The following ASTE1 variants were observed in gnomAD, a reference collection of about 807,000 sequenced individuals.
ASTE1 encodes the protein single-strand DNA endonuclease ASTE1.
Under a neutral mutation model 45.8 loss-of-function variants are expected in ASTE1, and 49 were observed. The ratio of observed to expected loss-of-function variants is 1.07; its 90% confidence interval spans 0.85 to 1.36. The LOEUF is 1.36. Ranked by LOEUF, ASTE1 falls within the 40% of genes most tolerant of loss-of-function variation. The pLI, the probability that ASTE1 is intolerant of heterozygous loss-of-function variation, is 0.00. For synonymous variants in ASTE1, 296 were observed against 303.9 expected (o/e 0.97, Z 0.27); for missense variants, 709 against 804.0 (o/e 0.88, Z 1.43).
Position 131,024,404 on chromosome 3 carries a change from C to T in ASTE1, c.903G>A (p.Gln301=), listed in dbSNP as rs923213274. 1 of 1,614,108 alleles carries T rather than the reference C, an allele frequency of 6.2e-7. No homozygotes were observed. Among genetic ancestry groups the T allele is most frequent in the African/African-American group, 1.3e-5 (1 of 74,934 alleles). ...LLCCSMEEYQ[Q]SQVKLQDFFQ... ...AGAAGTCCTGTAGCTTCACCTGGGA[C>T]TGTTGGTATTCTTCCATGGAACAGC... Residue 301 remains glutamine, a synonymous_variant, in exon 3 of 6, where the codon CAG becomes CAA. Transcript: ENST00000264992.
intron 5 of ASTE1, 143 bp from the exon 6 acceptor site, chr3:131,014,530 A>AG: frequency 8.2e-6 from 7 of 851,530 alleles, no homozygotes; most frequent in South Asian, 2.1e-5. Flanking sequence ...ACTTAAGAAT[A>AG]ATCTGTTCTT....
rs1375639541 is a variant in ASTE1 at position 131,024,008 on chromosome 3, A to G, written c.1299T>C (p.Thr433=). The change falls in exon 3 of 6, where the codon ACT becomes ACC. Residue 433 remains threonine, a synonymous_variant. Coordinates refer to ENST00000264992, the MANE Select transcript of ASTE1 (RefSeq NM_014065.4). ...AKDHSDLSRL[T]ELSLRRRQML... ...CATTAGTATTACAAATACTTACCTC[A>G]GTCAATCTGCTTAAGTCAGAATGAT... 1 of 1,585,432 alleles carries G rather than the reference A, an allele frequency of 6.3e-7. No homozygotes were observed. The highest frequency in any genetic ancestry group is 2.2e-5 in the East Asian group (1 of 44,458).
chr3:131,014,443 T>G (rs2063492055), intron 5 of ASTE1, 56 bp from the exon 6 acceptor site: 1 of 1,486,696 alleles, frequency 6.7e-7, no homozygotes, highest in African/African-American at 1.4e-5. Context: ...TGCAACAGGA[T>G]AACTACCATT....
Position 131,017,137 on chromosome 3 carries a change from A to G in ASTE1, c.1514-798T>C, listed in dbSNP as rs1480590759. 5 of 862,428 alleles carry G rather than the reference A, an allele frequency of 5.8e-6. No homozygotes were observed. The African/African-American group carries it at 7.2e-5, about 12-fold the overall frequency. The allele number at this position is 862,428 out of a possible 1,614,324, so 53.4% of individuals were successfully genotyped here. On this transcript the variant is annotated intron_variant, in intron 4 of 5. Transcript: ENST00000264992. ...AGGCTTGTGCTCTGAGAGCTTTCTT[A>G]TACTGTATTTATTATTCAATCAGAG...
At chr3:131,017,511 T>C (rs2109084336) in intron 4 of ASTE1, among the ~76,000 whole-genome samples, 1 of 152,308 alleles carries the variant, frequency 6.6e-6, no homozygotes, top group Non-Finnish European at 1.5e-5. Context: ...GTAGCCACCA[T>C]ATTAGATAGT....
chr3:131,025,832 G>A (rs1401334791), intron 1 of ASTE1, among the ~76,000 whole-genome samples: 3 of 152,192 alleles, frequency 2.0e-5, no homozygotes, highest in African/African-American at 4.8e-5. Context: ...TTTTTCTTTT[G>A]TATTGACAAT....
rs2063448647 is a variant in ASTE1 at position 131,013,989 on chromosome 3, A to G, written c.*68T>C. On this transcript the variant is annotated 3_prime_UTR_variant, in exon 6 of 6. Coordinates refer to ENST00000264992, the MANE Select transcript of ASTE1 (RefSeq NM_014065.4). ...CCTAAAGAAAAAGCTAATTGTTTCA[A>G]GGGTGGTAACGGAAGAATTTTAAGT... 8.6e-7 allele frequency: 1 copy of G among 1,164,720 alleles called. No homozygotes were observed. The highest frequency in any genetic ancestry group is 2.4e-5 in the Admixed American group (1 of 41,828). 72.1% of individuals were successfully genotyped at this position (1,164,720 alleles called of 1,614,324 possible). A position where few individuals can be genotyped will look rare whatever the true frequency, so the allele number is the denominator to read the frequency against.
At chr3:131,017,098 G>T in intron 4 of ASTE1, 1 of 1,237,650 alleles carries the variant, frequency 8.1e-7, no homozygotes, top group Non-Finnish European at 1.1e-6. Flanking sequence ...CTTGGACTCA[G>T]GTAAAAACTT....
At chr3:131,014,787 T>C (rs1229033717) in intron 5 of ASTE1, among the ~76,000 whole-genome samples, 5 of 152,186 alleles carry the variant, frequency 3.3e-5, no homozygotes, top group Non-Finnish European at 7.4e-5. Flanking sequence ...TCACTGAGAC[T>C]AAAAACCTAC....
In ASTE1 at chr3:131,025,452, TATC is replaced by T. The variant is rs2063825609; in HGVS notation, c.-26+19_-26+21del. 7.8e-7 allele frequency: 1 copy of T among 1,280,828 alleles called. No homozygotes were observed. Among genetic ancestry groups the T allele is most frequent in the African/African-American group, 1.5e-5 (1 of 66,366 alleles). 79.3% of individuals were successfully genotyped at this position (1,280,828 alleles called of 1,614,324 possible). A position where few individuals can be genotyped will look rare whatever the true frequency, so the allele number is the denominator to read the frequency against. On this transcript the variant is annotated intron_variant, in intron 2 of 5. Coordinates refer to ENST00000264992, the MANE Select transcript of ASTE1 (RefSeq NM_014065.4). ...AAGTGCTCTTTAGATAGAACATAGA[TATC>T]AACATCATAAATTCTTACCTAGATC...
Position 131,014,035 on chromosome 3 carries a change from C to G in ASTE1, c.*22G>C, listed in dbSNP as rs2063452496. On this transcript the variant is annotated 3_prime_UTR_variant, in exon 6 of 6. Transcript: ENST00000264992. ...TAAGTAAGGATTATATTAAATACAT[C>G]TAGTTTGATGCAAACTGAGTTTTAT... is the stretch of plus-strand genomic sequence containing the variant. 2.7e-6 allele frequency: 4 copies of G among 1,487,388 alleles called. No individual in the cohort carries two copies. The highest frequency in any genetic ancestry group is 3.6e-6 in the Non-Finnish European group (4 of 1,100,366). The allele number at this position is 1,487,388 out of a possible 1,614,324, so 92.1% of individuals were successfully genotyped here. A position where few individuals can be genotyped will look rare whatever the true frequency, so the allele number is the denominator to read the frequency against.
At chr3:131,021,013 C>G (rs2063735027) in intron 3 of ASTE1, among the ~76,000 whole-genome samples, 1 of 152,146 alleles carries the variant, frequency 6.6e-6, no homozygotes, top group Non-Finnish European at 1.5e-5. Context: ...CATTATAGAT[C>G]TAAATGTGAA....
intron 5 of ASTE1, chr3:131,015,082 A>G (rs1419176119): frequency 5.7e-6 from 3 of 527,996 alleles, no homozygotes; most frequent in Non-Finnish European, 1.0e-5. Context: ...AGAAATAAAG[A>G]ATCCAGGGGT....
At position 131,023,990 on chromosome 3, in the gene ASTE1, A is replaced by G; in HGVS notation, c.1302+15T>C. The G allele has an allele frequency of 6.4e-7, 1 of 1,556,676 alleles. No homozygotes were observed. Among genetic ancestry groups the G allele is most frequent in the South Asian group, 1.2e-5 (1 of 81,734 alleles). ...AGTACTTTACAAAAATTTCATTAGT[A>G]TTACAAATACTTACCTCAGTCAATC... On this transcript the variant is annotated intron_variant, in intron 3 of 5. Transcript: ENST00000264992.
Position 131,025,000 on chromosome 3 carries a change from C to T in ASTE1, c.307G>A (p.Ala103Thr), listed in dbSNP as rs2063796539. The change falls in exon 3 of 6, where the codon GCC becomes ACC. Residue 103 changes from alanine (A) to threonine (T), a missense_variant. Coordinates refer to ENST00000264992, the MANE Select transcript of ASTE1 (RefSeq NM_014065.4). ...KDRAREKIQM[A>T]HSLSVGGSGY... is the part of the protein sequence containing the mutation. ...CTCCCACCAACAGAAAGGGAATGGG[C>T]CATCTGGATCTTCTCTCTAGCTCTA... 1 of 1,598,582 alleles carries T rather than the reference C, an allele frequency of 6.3e-7. No homozygotes were observed. Among genetic ancestry groups the T allele is most frequent in the South Asian group, 1.1e-5 (1 of 88,410 alleles).
chr3:131,016,725 G>T, intron 4 of ASTE1: 1 of 320,188 alleles, frequency 3.1e-6, no homozygotes. Flanking sequence ...CCCAAGCTGT[G>T]GTGCATTTGT....
intron 3 of ASTE1, among the ~76,000 whole-genome samples, chr3:131,020,868 A>C (rs1437012081): frequency 6.6e-6 from 1 of 152,164 alleles, no homozygotes; most frequent in Non-Finnish European, 1.5e-5. Flanking sequence ...GAGAACACTT[A>C]AGTCATCTCT....
chr3:131,014,274 A>C lies in ASTE1; in HGVS notation c.1823T>G (p.Phe608Cys), dbSNP rs149138190. ...GGGGGCATATGACCTTGTGGCATTG[A>C]ATAGATATTCATAAAGTTGCTTAGC... ...PEAKQLYEYL[F>C]NATRSYAPAE... The change falls in exon 6 of 6, where the codon TTC becomes TGC. Residue 608 changes from phenylalanine (F) to cysteine (C), a missense_variant. Phe to Cys is a radical substitution (Grantham distance 205). Coordinates refer to ENST00000264992, the MANE Select transcript of ASTE1 (RefSeq NM_014065.4). 368 of 1,614,056 alleles carry C rather than the reference A, an allele frequency of 2.3e-4. No individual in the cohort carries two copies. The African/African-American group carries it at 4.5e-3, about 20-fold the overall frequency.
intron 3 of ASTE1, among the ~76,000 whole-genome samples, chr3:131,021,504 T>C (rs2063742121): frequency 6.6e-6 from 1 of 152,214 alleles, no homozygotes; most frequent in African/African-American, 2.4e-5. Flanking sequence ...ATTGTGTTGT[T>C]AAACAGGAGA....
Sources: allele counts gnomAD v4.1 joint callset (sites outside exome capture counted in the v4.1 genomes callset), GRCh38; gene constraint gnomAD v4.1.1; transcripts MANE v1.5; gene names NCBI Gene and HGNC (gene_info 2026-07-23, HGNC 2026-07-21).